The following ABCA12 variants were observed in gnomAD, a reference collection of about 807,000 sequenced individuals.
The protein encoded by ABCA12 is ATP binding cassette subfamily A member 12.
In ABCA12, 156 loss-of-function variants were observed where a neutral mutation model predicts 293.5. The observed-to-expected ratio is 0.53, with a 90% CI of 0.47 to 0.61. The LOEUF (loss-of-function observed/expected upper bound fraction) is 0.61. Ranked by LOEUF, ABCA12 falls within the 20% of genes least tolerant of loss-of-function variation. ABCA12 has a pLI of 0.00. For synonymous variants in ABCA12, 1,063 were observed against 1,108.0 expected, an observed-to-expected ratio of 0.96 and a Z score of 0.81; for missense variants, 2,797 against 3,090.2, an observed-to-expected ratio of 0.91 and a Z score of 2.25.
At chr2:215,100,667 C>T (rs765538168) in intron 2 of ABCA12, among the ~76,000 whole-genome samples, 4 of 151,988 alleles carry the variant, frequency 2.6e-5, no homozygotes, top group Non-Finnish European at 5.9e-5. Flanking sequence ...TGTGTTTCTT[C>T]ACTTTACAAT....
chr2:215,011,084 C>T (rs1700361428), intron 17 of ABCA12, among the ~76,000 whole-genome samples: 1 of 152,094 alleles, frequency 6.6e-6, no homozygotes, highest in Admixed American at 6.5e-5. Flanking sequence ...AGATTTAAGG[C>T]AAGTTTTTAT....
intron 2 of ABCA12, among the ~76,000 whole-genome samples, chr2:215,103,282 T>C (rs1346821390): frequency 1.3e-5 from 2 of 149,366 alleles, no homozygotes; most frequent in African/African-American, 5.0e-5. Flanking sequence ...TTTTTTTTTT[T>C]TTTTGAGACA....
Position 214,958,399 on chromosome 2 carries a change from C to G in ABCA12, c.5995G>C (p.Val1999Leu). Residue 1999 changes from valine (V) to leucine (L), a missense_variant, in exon 41 of 53, where the codon GTC (valine) becomes CTC (leucine). Coordinates refer to ENST00000272895, the MANE Select transcript of ABCA12 (RefSeq NM_173076.3). ...TAGGTGACAAAGCTGGCGGTGGTGACAGAGTAGCCCATCAAGATAGACAGT... is the reference window on the plus strand; with the variant it reads ...TAGGTGACAAAGCTGGCGGTGGTGAGAGAGTAGCCCATCAAGATAGACAGT... ...VALSILMGYS[V>L]TTASFVTYVV... 6.2e-7 allele frequency: 1 copy of G among 1,613,940 alleles called. No homozygotes were observed. The highest frequency in any genetic ancestry group is 8.5e-7 in the Non-Finnish European group (1 of 1,179,904).
At chr2:215,118,461 A>G (rs911519914) in intron 1 of ABCA12, among the ~76,000 whole-genome samples, 6 of 152,166 alleles carry the variant, frequency 3.9e-5, no homozygotes, top group Non-Finnish European at 5.9e-5. Context: ...TACAATTTCT[A>G]TATTTCAATA....
At chr2:214,976,438 C>T (rs1281765534) in intron 33 of ABCA12, among the ~76,000 whole-genome samples, 1 of 152,156 alleles carries the variant, frequency 6.6e-6, no homozygotes, top group Non-Finnish European at 1.5e-5. Context: ...TATGAAGAGA[C>T]TAAATACATG....
chr2:214,958,316 G>C lies in ABCA12; in HGVS notation c.6078C>G (p.Gly2026=), dbSNP rs529364926. The C allele has an allele frequency of 1.2e-6, 2 of 1,613,928 alleles. No homozygotes were observed. The highest frequency in any genetic ancestry group is 1.7e-6 in the Non-Finnish European group (2 of 1,179,850). Reference sequence around the variant, plus strand: ...AGTTTGTTACCCAGTAGCATGTCACGCCAATGCCTGAAATGTGCTGCAACT... The same window carrying C: ...AGTTTGTTACCCAGTAGCATGTCACCCCAATGCCTGAAATGTGCTGCAACT... ...AKQLQHISGI[G]VTCYWVTNFI... Residue 2026 remains glycine, a synonymous_variant, in exon 41 of 53, where the codon GGC becomes GGG. Transcript: ENST00000272895.
At chr2:215,045,204 C>A (rs1701176953) in intron 7 of ABCA12, among the ~76,000 whole-genome samples, 1 of 152,162 alleles carries the variant, frequency 6.6e-6, no homozygotes, top group African/African-American at 2.4e-5. Flanking sequence ...AACCTAAGTA[C>A]TGTCCATTAA....
At chr2:215,134,421 T>A (rs1048002314) in intron 1 of ABCA12, among the ~76,000 whole-genome samples, 1 of 143,354 alleles carries the variant, frequency 7.0e-6, no homozygotes, top group Admixed American at 7.1e-5. Context: ...TATATGTACA[T>A]ATATGTATAT....
intron 49 of ABCA12, among the ~76,000 whole-genome samples, chr2:214,943,762 C>G (rs1698486073): frequency 6.6e-6 from 1 of 152,116 alleles, no homozygotes; most frequent in Non-Finnish European, 1.5e-5. Context: ...ATTATACAGT[C>G]TCTAATTTCA....
At chr2:215,033,565 C>A (rs569261781) in intron 8 of ABCA12, among the ~76,000 whole-genome samples, 1 of 152,194 alleles carries the variant, frequency 6.6e-6, no homozygotes, top group Non-Finnish European at 1.5e-5. Flanking sequence ...ACTAAACAGT[C>A]CTTAATGAAA....
intron 1 of ABCA12, among the ~76,000 whole-genome samples, chr2:215,120,241 CAT>C (rs1345859725): frequency 6.6e-6 from 1 of 152,036 alleles, no homozygotes. Flanking sequence ...TGGACACACA[CAT>C]GGGAACAACA....
intron 2 of ABCA12, among the ~76,000 whole-genome samples, chr2:215,103,940 T>G (rs1702410677): frequency 6.6e-6 from 1 of 152,176 alleles, no homozygotes; most frequent in South Asian, 2.1e-4. Context: ...TGAGCCGAGA[T>G]TGCGCTACTG....
chr2:214,990,691 G>C lies in ABCA12; in HGVS notation c.3624+11C>G. The C allele has an allele frequency of 6.2e-7, 1 of 1,613,034 alleles. No homozygotes were observed. Among genetic ancestry groups the C allele is most frequent in the Non-Finnish European group, 8.5e-7 (1 of 1,179,268 alleles). ...TAATTTCCCACTCTGCCATTCCAAC[G>C]GTTGACTTACCATGAACACTTTCAA... On this transcript the variant is annotated intron_variant, in intron 24 of 52. Coordinates refer to ENST00000272895, the MANE Select transcript of ABCA12 (RefSeq NM_173076.3).
chr2:214,973,836 G>T, intron 36 of ABCA12, 113 bp downstream of exon 36: 1 of 891,384 alleles, frequency 1.1e-6, no homozygotes. Context: ...TGAGCTACTA[G>T]CTTCCATAAA....
intron 3 of ABCA12, among the ~76,000 whole-genome samples, chr2:215,054,992 G>T (rs1701391933): frequency 6.6e-6 from 1 of 151,958 alleles, no homozygotes; most frequent in Non-Finnish European, 1.5e-5. Flanking sequence ...AAAGTTGATA[G>T]GTCCCAAACA....
chr2:215,114,601 AG>A (rs1467463256), intron 1 of ABCA12, among the ~76,000 whole-genome samples: 4 of 152,234 alleles, frequency 2.6e-5, no homozygotes, highest in Admixed American at 2.0e-4. Context: ...GCAGCAAATA[AG>A]AAAGCATTAC....
chr2:214,937,352 C>A (rs1201745048), intron 51 of ABCA12, among the ~76,000 whole-genome samples, 158 bp downstream of exon 51: 2 of 152,200 alleles, frequency 1.3e-5, no homozygotes, highest in African/African-American at 2.4e-5. Flanking sequence ...GCATGTGCCA[C>A]CATGCCCAGC....
intron 2 of ABCA12, among the ~76,000 whole-genome samples, chr2:215,093,306 C>A (rs969970794): frequency 1.3e-5 from 2 of 152,180 alleles, no homozygotes. Context: ...GGTACTTTCA[C>A]CTTTGAATAC....
intron 2 of ABCA12, among the ~76,000 whole-genome samples, chr2:215,092,935 G>A (rs772326965): frequency 4.6e-5 from 7 of 152,024 alleles, no homozygotes; most frequent in Non-Finnish European, 1.0e-4. Context: ...AATTTATCTG[G>A]GCTGTACTGC....
Sources: gnomAD v4.1 joint callset for allele counts (sites outside exome capture counted in the v4.1 genomes callset) on GRCh38, gnomAD v4.1.1 for gene constraint, MANE v1.5 for transcripts, NCBI Gene and HGNC (gene_info 2026-07-23, HGNC 2026-07-21) for gene names.